SEZ6: variants seen among roughly 807,000 people sequenced by gnomAD.
SEZ6 encodes the protein seizure protein 6 homolog.
SEZ6 carries 53 observed loss-of-function variants against 101.0 expected under a neutral mutation model. The observed-to-expected ratio is 0.52, with a 90% confidence interval of 0.42 to 0.66. The LOEUF (loss-of-function observed/expected upper bound fraction) is 0.66, where lower values mean the gene tolerates loss of function less well. Ranked by LOEUF, SEZ6 falls within the 30% of genes least tolerant of loss-of-function variation. SEZ6 has a pLI of 0.00. For missense variants in SEZ6, 1,102 were observed against 1,289.4 expected (o/e 0.85, Z 2.23); for synonymous variants, 488 against 512.2 (o/e 0.95, Z 0.64).
Position 28,956,398 on chromosome 17 carries a change from A to C in SEZ6, c.2801T>G (p.Leu934Arg). 1 of 1,571,554 alleles carries C rather than the reference A, an allele frequency of 6.4e-7. No individual in the cohort carries two copies. The highest frequency in any genetic ancestry group is 8.6e-7 in the Non-Finnish European group (1 of 1,158,302). The change falls in exon 15 of 17, where the codon CTG becomes CGG. Residue 934 changes from leucine to arginine, a missense_variant. Leu to Arg is a moderately radical substitution (Grantham distance 102). Around this residue, in one of 3 missense-constraint regions of SEZ6, gnomAD observed 140 missense variants for 135.7 expected, o/e 1.03. Coordinates refer to ENST00000317338, the MANE Select transcript of SEZ6 (RefSeq NM_178860.5). The stretch of plus-strand genomic sequence containing the variant: ...TCCTACCAACAACACCATCGCCACC[A>C]GTGGCAAGAAGATGGCAGCTGCAAT... Reference protein sequence around the residue: ...AHIAAAIFLPLVAMVLLVGGV... With the variant: ...AHIAAAIFLPRVAMVLLVGGV...
At chr17:28,963,127 G>GAAA (rs61378133) in intron 5 of SEZ6, among the ~76,000 whole-genome samples, 1 of 110,286 alleles carries the variant, frequency 9.1e-6, no homozygotes. Flanking sequence ...CCGTCTCGAA[G>GAAA]AAAAAAAAAA....
rs1188300104 is a variant in SEZ6, at chr17:28,969,748, A to G, written c.1054+9T>C. 4 of 1,478,178 alleles carry G rather than the reference A, an allele frequency of 2.7e-6. No individual in the cohort carries two copies. The highest frequency in any genetic ancestry group is 3.6e-6 in the Non-Finnish European group (4 of 1,120,592). The allele number at this position is 1,478,178 out of a possible 1,614,324, so 91.6% of individuals were successfully genotyped here. ...GGGCTGGTTCCACCTTCAACTACCCAGGCCTTACCTTGGTAATGGAAATGG... is the reference window on the plus strand; with the variant it reads ...GGGCTGGTTCCACCTTCAACTACCCGGGCCTTACCTTGGTAATGGAAATGG... On this transcript the variant is annotated intron_variant, in intron 4 of 16. Coordinates refer to ENST00000317338, the MANE Select transcript of SEZ6 (RefSeq NM_178860.5).
At position 28,963,916 on chromosome 17, in the gene SEZ6, C is replaced by T. The variant is rs375658332; in HGVS notation, c.1240+46G>A. On this transcript the variant is annotated intron_variant, in intron 5 of 16. Coordinates refer to ENST00000317338, the MANE Select transcript of SEZ6 (RefSeq NM_178860.5). ...AACAGAGAGCAGGGATGAGCCCCCA[C>T]CTCACTTCTCTGCTCAGCACTGAGC... 7 of 1,566,926 alleles carry T rather than the reference C, an allele frequency of 4.5e-6. No homozygotes were observed. The African/African-American group carries it at 8.3e-5, about 19-fold the overall frequency.
In SEZ6 at chr17:28,959,710, G is replaced by C. The variant is rs2040945596; in HGVS notation, c.1759C>G (p.Pro587Ala). The C allele has an allele frequency of 1.3e-6, 2 of 1,596,204 alleles. No individual in the cohort carries two copies. Among genetic ancestry groups the C allele is most frequent in the African/African-American group, 2.7e-5 (2 of 74,654 alleles). ...GGTGTCTACTGACCTCGGCAGGCTG[G>C]CTCTGTCTCATTCCACTGGGGGTCG... ...PHDPQWNETE[P>A]ACRAVCSGEI... Residue 587 changes from proline to alanine, a missense_variant, in exon 8 of 17, where the codon CCA becomes GCA. This residue lies in a region of SEZ6 where 556 missense variants were observed against 735.1 expected (regional missense o/e 0.76). Transcript: ENST00000317338. The surrounding 1 kb of genome is among the most constrained non-coding windows in gnomAD (Gnocchi z 4.4).
intron 1 of SEZ6, among the ~76,000 whole-genome samples, chr17:28,994,069 A>T (rs2041503053): frequency 6.6e-6 from 1 of 152,186 alleles, no homozygotes; most frequent in Admixed American, 6.5e-5. Context: ...GGCTACCCTG[A>T]TGCTGAGGTG....
chr17:28,980,765 A>C (rs11653113), intron 2 of SEZ6, among the ~76,000 whole-genome samples: 10 of 152,194 alleles, frequency 6.6e-5, no homozygotes, highest in Non-Finnish European at 1.2e-4. Context: ...CGGCCTCCCA[A>C]AGTGCTGGGA....
intron 1 of SEZ6, among the ~76,000 whole-genome samples, chr17:28,993,764 C>A (rs573460457): frequency 3.3e-5 from 5 of 152,214 alleles, no homozygotes; most frequent in Non-Finnish European, 7.4e-5. Flanking sequence ...GGGCCCCAGG[C>A]CAGCATCTTT....
rs952539199 is a variant in SEZ6 at position 28,956,730 on chromosome 17, C to T, written c.2720G>A (p.Arg907His). The part of the protein sequence containing the change: ...AASLDGFYNS[R>H]SLDVAKAPAA... ...GGGTGGAGACTTACCATCCAGGCTG[C>T]GACTGTTGTAGAACCCATCCAGAGA... The change falls in exon 14 of 17, where the codon CGC becomes CAC. Residue 907 changes from arginine (R) to histidine (H), a missense_variant. This residue lies in a region of SEZ6 where 140 missense variants were observed against 135.7 expected (regional missense o/e 1.03). Transcript: ENST00000317338. 5 of 1,563,188 alleles carry T rather than the reference C, an allele frequency of 3.2e-6. No homozygotes were observed. The highest frequency in any genetic ancestry group is 2.4e-5 in the East Asian group (1 of 41,884).
chr17:28,979,834 C>A, intron 2 of SEZ6, 21 bp from the exon 3 acceptor site: 2 of 1,597,660 alleles, frequency 1.3e-6, no homozygotes, highest in Non-Finnish European at 1.7e-6. Context: ...GGAGGAGACA[C>A]AAAGCTAGTG....
In SEZ6 at chr17:28,981,704, T is replaced by C. The variant is rs2041307764; in HGVS notation, c.391A>G (p.Thr131Ala). Residue 131 changes from threonine to alanine, a missense_variant, in exon 2 of 17, where the codon ACT (threonine) becomes GCT (alanine). Coordinates refer to ENST00000317338, the MANE Select transcript of SEZ6 (RefSeq NM_178860.5). Reference sequence around the variant, plus strand: ...GGTCCCTCCTTGGACTGGGGCTGAGTGGGTACCGCAGCCATGGCTGGAGTG... The same window carrying C: ...GGTCCCTCCTTGGACTGGGGCTGAGCGGGTACCGCAGCCATGGCTGGAGTG... The part of the protein sequence containing the change: ...SPTPAMAAVP[T>A]QPQSKEGPWS... 6.3e-7 allele frequency: 1 copy of C among 1,588,020 alleles called. No individual in the cohort carries two copies. The highest frequency in any genetic ancestry group is 8.6e-7 in the Non-Finnish European group (1 of 1,163,224).
rs1479453217 is a variant in SEZ6 at position 28,959,564 on chromosome 17, A to AC, written c.1772-93dup. 25 of 1,557,600 alleles carry AC rather than the reference A, an allele frequency of 1.6e-5. No homozygotes were observed. The highest frequency in any genetic ancestry group is 1.9e-4 in the Middle Eastern group (1 of 5,194). On this transcript the variant is annotated intron_variant, in intron 8 of 16. Coordinates refer to ENST00000317338, the MANE Select transcript of SEZ6 (RefSeq NM_178860.5). This position sits in a 1 kb window ranked among gnomAD's most constrained non-coding sequence, Gnocchi z 4.4. ...GCAGGAGTGCCCACAAATTGCTGGG[A>AC]CCCCCCACCTCCTCCTTGGAGGAAG... is the stretch of plus-strand genomic sequence containing the variant.
intron 3 of SEZ6, among the ~76,000 whole-genome samples, chr17:28,979,469 G>GC (rs1310092040): frequency 6.6e-6 from 1 of 152,252 alleles, no homozygotes; most frequent in Non-Finnish European, 1.5e-5. Context: ...CAAGGCTAGA[G>GC]CCCCCTCCCA....
At chr17:28,958,894 C>T in intron 10 of SEZ6, 131 bp downstream of exon 10, 2 of 1,050,394 alleles carry the variant, frequency 1.9e-6, no homozygotes, top group Non-Finnish European at 2.7e-6. Flanking sequence ...GACTAGCTTC[C>T]TCCAGGTGAT....
intron 1 of SEZ6, among the ~76,000 whole-genome samples, chr17:28,995,075 G>A (rs1388615620): frequency 3.3e-5 from 5 of 151,494 alleles, no homozygotes; most frequent in South Asian, 2.1e-4. Flanking sequence ...GGGTTTCACC[G>A]TGTTAGCCAG....
chr17:28,988,138 A>G (rs1225980574), intron 1 of SEZ6, among the ~76,000 whole-genome samples: 1 of 152,124 alleles, frequency 6.6e-6, no homozygotes, highest in Non-Finnish European at 1.5e-5. Flanking sequence ...TTTGGCCCCA[A>G]TTGCTCACGC....
intron 3 of SEZ6, among the ~76,000 whole-genome samples, chr17:28,972,878 C>T (rs930214930): frequency 6.6e-6 from 1 of 152,120 alleles, no homozygotes; most frequent in Admixed American, 6.6e-5. Context: ...TCTCAGAGTG[C>T]CTTGAAGAGA....
intron 1 of SEZ6, among the ~76,000 whole-genome samples, chr17:28,990,050 C>A (rs888416024): frequency 1.3e-5 from 2 of 151,880 alleles, no homozygotes; most frequent in African/African-American, 4.8e-5. Context: ...CCATCCTGGG[C>A]GACAAGAGTT....
Position 29,005,775 on chromosome 17 carries a change from TC to T in SEZ6, c.55+39del. The T allele has an allele frequency of 6.8e-7, 1 of 1,472,836 alleles. No individual in the cohort carries two copies. 91.2% of individuals were successfully genotyped at this position (1,472,836 alleles called of 1,614,324 possible). A position where few individuals can be genotyped will look rare whatever the true frequency, so the allele number is the denominator to read the frequency against. On this transcript the variant is annotated intron_variant, in intron 1 of 16. Coordinates refer to ENST00000317338, the MANE Select transcript of SEZ6 (RefSeq NM_178860.5). The surrounding 1 kb of genome is among the most constrained non-coding windows in gnomAD (Gnocchi z 4.8). ...TCCCTTCCCACCCCTGGGGCCCCGC[TC>T]CCGCCCCCGTCCTGCCGCCGGATGC...
intron 3 of SEZ6, among the ~76,000 whole-genome samples, chr17:28,977,382 C>T (rs573881622): frequency 6.6e-5 from 10 of 152,388 alleles, no homozygotes; most frequent in East Asian, 3.9e-4. Context: ...CCGTCCGGGC[C>T]GACAGTGTCC....
Sources: gnomAD v4.1 joint callset for allele counts (sites outside exome capture counted in the v4.1 genomes callset) on GRCh38, gnomAD v4.1.1 for gene constraint, gnomAD v4.1.1 regional missense constraint, Gnocchi (gnomAD v3.1) non-coding constraint, MANE v1.5 for transcripts, NCBI Gene and HGNC (gene_info 2026-07-23, HGNC 2026-07-21) for gene names.